SFMBT2: variants seen among roughly 807,000 people sequenced by gnomAD.
SFMBT2 encodes the protein scm-like with four MBT domains protein 2.
SFMBT2 carries 38 observed loss-of-function variants against 110.1 expected under a neutral mutation model. The observed-to-expected ratio is 0.35, with a 90% CI of 0.27 to 0.45. The LOEUF (loss-of-function observed/expected upper bound fraction) is 0.45, where lower values mean the gene tolerates loss of function less well. SFMBT2 is among the 20% of genes least tolerant of loss of function. The pLI is 1.00. For missense variants in SFMBT2, 1,011 were observed against 1,094.9 expected, an observed-to-expected ratio of 0.92 and a Z score of 1.08; for synonymous variants, 425 against 425.4, an observed-to-expected ratio of 1.00 and a Z score of 0.01.
chr10:7,187,021 T>G (rs946812127), intron 16 of SFMBT2, among the ~76,000 whole-genome samples: 5 of 152,236 alleles, frequency 3.3e-5, no homozygotes, highest in African/African-American at 1.2e-4. Flanking sequence ...GGTTTCACCA[T>G]GTCTGTTTTG....
intron 16 of SFMBT2, among the ~76,000 whole-genome samples, chr10:7,186,425 T>C (rs11598036): frequency 0.42 from 45,444 of 108,826 alleles, 8,146 homozygotes; most frequent in South Asian, 0.5. Flanking sequence ...ATACTATATA[T>C]ACACACACAC....
At chr10:7,288,764 C>T (rs188376273) in intron 4 of SFMBT2, among the ~76,000 whole-genome samples, 107 of 152,238 alleles carry the variant, frequency 7.0e-4, no homozygotes, top group Non-Finnish European at 1.1e-3. Flanking sequence ...GGTGCGGTGG[C>T]TCACACCTGC....
At chr10:7,191,348 G>A (rs973475223) in intron 15 of SFMBT2, among the ~76,000 whole-genome samples, 2 of 152,168 alleles carry the variant, frequency 1.3e-5, no homozygotes, top group Admixed American at 6.5e-5. Context: ...CCGAAACGCT[G>A]GGCAGCTCTG....
intron 1 of SFMBT2, among the ~76,000 whole-genome samples, chr10:7,394,131 C>T (rs1845856248): frequency 6.6e-6 from 1 of 152,076 alleles, no homozygotes; most frequent in Non-Finnish European, 1.5e-5. Context: ...TCTCAAGTAG[C>T]TGGGATTACA....
intron 4 of SFMBT2, among the ~76,000 whole-genome samples, chr10:7,346,513 T>G (rs1273800950): frequency 6.6e-6 from 1 of 152,108 alleles, no homozygotes; most frequent in African/African-American, 2.4e-5. Flanking sequence ...CCCTATTCCA[T>G]CAACAGCAAA....
intron 4 of SFMBT2, among the ~76,000 whole-genome samples, chr10:7,287,677 C>G (rs1217684088): frequency 6.6e-6 from 1 of 152,226 alleles, no homozygotes; most frequent in Non-Finnish European, 1.5e-5. Context: ...ACTCAGCCCC[C>G]ATTTAAGGTC....
At chr10:7,354,303 G>C (rs1844427179) in intron 4 of SFMBT2, among the ~76,000 whole-genome samples, 1 of 151,936 alleles carries the variant, frequency 6.6e-6, no homozygotes, top group Non-Finnish European at 1.5e-5. Flanking sequence ...TTTTCTTTTG[G>C]CTTAGATGAT....
At chr10:7,405,547 C>A (rs960771993) in intron 1 of SFMBT2, among the ~76,000 whole-genome samples, 4 of 152,200 alleles carry the variant, frequency 2.6e-5, no homozygotes, top group African/African-American at 9.7e-5. Context: ...CCTTCACAAG[C>A]ACGGTTGCAC....
rs1021915186 is a variant in SFMBT2, at chr10:7,159,005, C to T, written c.*4765G>A. 13 of 152,220 alleles carry T rather than the reference C, an allele frequency of 8.5e-5. No individual in the cohort carries two copies. Among genetic ancestry groups the T allele is most frequent in the Middle Eastern group, 3.4e-3 (1 of 294 alleles). The allele number at this position is 152,220 out of a possible 1,614,324, so 9.4% of individuals were successfully genotyped here. Reference sequence around the variant, plus strand: ...AAGCAAGTGAGATGATTATCTTTTTCTGTCATTTAAAAAAATTTGCCTCAA... The same window carrying T: ...AAGCAAGTGAGATGATTATCTTTTTTTGTCATTTAAAAAAATTTGCCTCAA... On this transcript the variant is annotated 3_prime_UTR_variant, in exon 21 of 21. Transcript: ENST00000397167.
chr10:7,407,933 A>G (rs1452444984), intron 1 of SFMBT2, among the ~76,000 whole-genome samples: 1 of 152,100 alleles, frequency 6.6e-6, no homozygotes, highest in Non-Finnish European at 1.5e-5. Flanking sequence ...TAGGTGCCAG[A>G]GCGGTGGTCG....
intron 10 of SFMBT2, among the ~76,000 whole-genome samples, chr10:7,226,268 A>G (rs1839893890): frequency 6.6e-6 from 1 of 152,226 alleles, no homozygotes; most frequent in Non-Finnish European, 1.5e-5. Flanking sequence ...TCGTTCAATC[A>G]TAGAAGGATC....
chr10:7,323,775 A>G (rs1219357807), intron 4 of SFMBT2, among the ~76,000 whole-genome samples: 1 of 152,206 alleles, frequency 6.6e-6, no homozygotes, highest in Non-Finnish European at 1.5e-5. Flanking sequence ...TGTATAGTAC[A>G]GAGATAATCA....
intron 1 of SFMBT2, among the ~76,000 whole-genome samples, chr10:7,397,563 T>C (rs1010612101): frequency 6.6e-6 from 1 of 152,158 alleles, no homozygotes; most frequent in African/African-American, 2.4e-5. Context: ...CAGGCATCTA[T>C]GCTGAGACCT....
In SFMBT2 at chr10:7,342,396, C is replaced by CTTTTT. The variant is rs71382101; in HGVS notation, c.436+25248_436+25252dup. 2.8e-3 allele frequency among the ~76,000 whole-genome samples: 198 copies of CTTTTT among 69,658 alleles called. 30 individuals are homozygous for CTTTTT. The highest frequency in any genetic ancestry group is 6.4e-3 in the African/African-American group (120 of 18,856). 45.7% of individuals were successfully genotyped at this position (69,658 alleles called of 152,430 possible). A position where few individuals can be genotyped will look rare whatever the true frequency, so the allele number is the denominator to read the frequency against. On this transcript the variant is annotated intron_variant, in intron 4 of 20. Coordinates refer to ENST00000397167, the MANE Select transcript of SFMBT2 (RefSeq NM_001387889.1). ...ATTTAGGAATTGCACTGGAGTGAGT[C>CTTTTT]TTTTTTTTTTTTTTTTTTTTTTTTT...
Position 7,359,381 on chromosome 10 carries a change from T to C in SFMBT2, c.436+8268A>G, listed in dbSNP as rs952328284. ...CCAAGGGAGGGAGAGGCCAGATGAG[T>C]TGGAGGCTCTGACAATTATGGAAGT... On this transcript the variant is annotated intron_variant, in intron 4 of 20. Coordinates refer to ENST00000397167, the MANE Select transcript of SFMBT2 (RefSeq NM_001387889.1). 1.6e-4 allele frequency among the ~76,000 whole-genome samples: 24 copies of C among 152,086 alleles called. 1 individual carries two copies. The highest frequency in any genetic ancestry group is 1.4e-3 in the Admixed American group (21 of 15,284).
chr10:7,353,484 A>C (rs2132017785), intron 4 of SFMBT2, among the ~76,000 whole-genome samples: 1 of 136,972 alleles, frequency 7.3e-6, no homozygotes, highest in African/African-American at 2.6e-5. Flanking sequence ...TAAGCATCTA[A>C]ATCATAAAGA....
chr10:7,348,454 A>G (rs762890499), intron 4 of SFMBT2: 39 of 760,392 alleles, frequency 5.1e-5, no homozygotes, highest in Non-Finnish European at 5.6e-6. Context: ...TTTTCAAAAA[A>G]TTGACATTGT....
Position 7,231,177 on chromosome 10 carries a change from A to C in SFMBT2, c.1121-3240T>G, listed in dbSNP as rs1249873616. ...TTCCTCTAAGAAGACTCACGACTCC[A>C]TCTGTGAAGACACATCTCTGTAACA... On this transcript the variant is annotated intron_variant, in intron 9 of 20. Transcript: ENST00000397167. 3.9e-5 allele frequency among the ~76,000 whole-genome samples: 6 copies of C among 152,324 alleles called. No homozygotes were observed. In the South Asian group the frequency reaches 6.2e-4, roughly 16 times the overall value.
At chr10:7,284,360 C>A in intron 5 of SFMBT2, 2 of 1,306,926 alleles carry the variant, frequency 1.5e-6, no homozygotes, top group Middle Eastern at 2.9e-4. Context: ...ATTCCGTATC[C>A]AACAACAAAA....
Sources: gnomAD v4.1 joint callset for allele counts (sites outside exome capture counted in the v4.1 genomes callset) on GRCh38, gnomAD v4.1.1 for gene constraint, MANE v1.5 for transcripts, NCBI Gene and HGNC (gene_info 2026-07-23, HGNC 2026-07-21) for gene names.